Variants in TMEM43 observed in about 807,000 individuals in gnomAD.
The protein encoded by TMEM43 is arrhythmogenic right ventricular dysplasia 5.
In TMEM43, 45 loss-of-function variants were observed where a neutral mutation model predicts 49.6. The observed-to-expected ratio is 0.91, with a 90% CI of 0.71 to 1.16. TMEM43 has a LOEUF of 1.16. TMEM43 is among the 50% of genes most tolerant of loss of function. The pLI is 0.00. For synonymous variants in TMEM43, 199 were observed against 207.8 expected (o/e 0.96, Z 0.36); for missense variants, 532 against 516.6 (o/e 1.03, Z -0.29).
intron 10 of TMEM43, among the ~76,000 whole-genome samples, chr3:14,138,499 T>G (rs1249859528): frequency 6.6e-6 from 1 of 151,888 alleles, no homozygotes; most frequent in Non-Finnish European, 1.5e-5. Context: ...GGTGGGTGGG[T>G]GTGCCATGTG....
At chr3:14,141,386 C>T (rs935285900) in intron 11 of TMEM43, among the ~76,000 whole-genome samples, 1 of 152,212 alleles carries the variant, frequency 6.6e-6, no homozygotes. Context: ...GTGGCTTAGG[C>T]AATGTGCCCA....
At chr3:14,138,001 GAATT>G (rs1695191992) in intron 10 of TMEM43, 1 of 152,172 alleles carries the variant, frequency 6.6e-6, no homozygotes, top group South Asian at 2.1e-4. Flanking sequence ...GTGAATTTGA[GAATT>G]AAATAATACT....
At position 14,133,334 on chromosome 3, in the gene TMEM43, C is replaced by T. The variant is rs927642013; in HGVS notation, c.512+399C>T. 2.6e-5 allele frequency among the ~76,000 whole-genome samples: 4 copies of T among 152,132 alleles called. No homozygotes were observed. The South Asian group carries it at 6.2e-4, about 24-fold the overall frequency. On this transcript the variant is annotated intron_variant, in intron 6 of 11. Transcript: ENST00000306077. ...GCTCCACGGCATGCCAGTGGTGAGGCGGGCATAACACTTGGGTGTGGCTAG... is the reference window on the plus strand; with the variant it reads ...GCTCCACGGCATGCCAGTGGTGAGGTGGGCATAACACTTGGGTGTGGCTAG...
chr3:14,134,014 C>G (rs1695135237), intron 7 of TMEM43, among the ~76,000 whole-genome samples: 1 of 152,194 alleles, frequency 6.6e-6, no homozygotes, highest in Non-Finnish European at 1.5e-5. Flanking sequence ...TCCATCCTAC[C>G]AGGTTCCTCT....
In TMEM43 at chr3:14,132,907, G is replaced by T. The variant is rs150425166; in HGVS notation, c.484G>T (p.Asp162Tyr). 2 of 1,613,742 alleles carry T rather than the reference G, an allele frequency of 1.2e-6. No individual in the cohort carries two copies. The highest frequency in any genetic ancestry group is 1.7e-5 in the Admixed American group (1 of 59,996). The change falls in exon 6 of 12, where the codon GAC (aspartate) becomes TAC (tyrosine). Residue 162 changes from aspartate (D) to tyrosine (Y), a missense_variant. By Grantham distance (160) the Asp-to-Tyr change is radical. Transcript: ENST00000306077. ...RSEIINSKNFDREIGHKNPSA... is the reference protein window; with the variant it reads ...RSEIINSKNFYREIGHKNPSA... ...AGAAATCATCAACAGCAAAAACTTC[G>T]ACCGAGAGATTGGCCACAAAAACCC...
Position 14,135,529 on chromosome 3 carries a change from A to G in TMEM43, c.781-278A>G, listed in dbSNP as rs78942892. Among the ~76,000 whole-genome samples the G allele has an allele frequency of 0.023, 3,544 of 152,250 alleles. 131 individuals are homozygous for G. The highest frequency in any genetic ancestry group is 0.08 in the African/African-American group (3,330 of 41,532). On this transcript the variant is annotated intron_variant, in intron 9 of 11. Transcript: ENST00000306077. ...TCCCCAAGCCCGTTTTGATCTGTCA[A>G]TAATTGGTCTTGCGTTCCTGGCCTA...
At chr3:14,132,734 C>G in intron 5 of TMEM43, 132 bp from the exon 6 acceptor site, 1 of 1,370,556 alleles carries the variant, frequency 7.3e-7, no homozygotes, top group Non-Finnish European at 1.0e-6. Context: ...CTTCAGAGCC[C>G]TGCTTTCCCA....
At position 14,139,177 on chromosome 3, in the gene TMEM43, CAGG is replaced by C. The variant is rs1695215955; in HGVS notation, c.884_886del (p.Glu295del). Reference sequence around the variant, plus strand: ...CCTGACCTGCCCCCACCTTGTCCTGCAGGAGGTGTTTCATAGAGAACTAAGGAG... The same window carrying C: ...CCTGACCTGCCCCCACCTTGTCCTGCAGGTGTTTCATAGAGAACTAAGGAG... On this transcript the variant is annotated splice_acceptor_variant and coding_sequence_variant, in exon 11 of 12. Coordinates refer to ENST00000306077, the MANE Select transcript of TMEM43 (RefSeq NM_024334.3). LOFTEE classifies it high-confidence loss of function. The C allele has an allele frequency of 6.2e-7, 1 of 1,610,512 alleles. No individual in the cohort carries two copies. Among genetic ancestry groups the C allele is most frequent in the Non-Finnish European group, 8.5e-7 (1 of 1,176,694 alleles).
At chr3:14,141,003 G>A (rs1695239110) in intron 11 of TMEM43, among the ~76,000 whole-genome samples, 1 of 152,222 alleles carries the variant, frequency 6.6e-6, no homozygotes, top group Admixed American at 6.5e-5. Flanking sequence ...CAAGAATAGG[G>A]TAATTCCTCA....
rs778787621 is a variant in TMEM43 at position 14,133,839 on chromosome 3, G to A, written c.583+30G>A. 5.0e-5 allele frequency: 80 copies of A among 1,606,594 alleles called. 1 individual carries two copies. The highest frequency in any genetic ancestry group is 6.3e-5 in the Non-Finnish European group (74 of 1,173,298). On this transcript the variant is annotated intron_variant, in intron 7 of 11. Transcript: ENST00000306077. ...GTCTCAGGCCTCTCCAGAGGAGCTCGTGCCAGAAGCACAAGGCCCCCCTAG... is the reference window on the plus strand; with the variant it reads ...GTCTCAGGCCTCTCCAGAGGAGCTCATGCCAGAAGCACAAGGCCCCCCTAG...
At chr3:14,133,887 C>A in intron 7 of TMEM43, 78 bp downstream of exon 7, 1 of 1,294,290 alleles carries the variant, frequency 7.7e-7, no homozygotes, top group Non-Finnish European at 1.1e-6. Flanking sequence ...CAGTACTCAG[C>A]CTTCAGAGGG....
At chr3:14,129,910 A>G (rs1375988237) in intron 2 of TMEM43, among the ~76,000 whole-genome samples, 1 of 152,122 alleles carries the variant, frequency 6.6e-6, no homozygotes, top group Non-Finnish European at 1.5e-5. Flanking sequence ...TTCATCTGTG[A>G]TGGCAAATGT....
At chr3:14,139,018 CAGA>C (rs780229166) in intron 10 of TMEM43, among the ~76,000 whole-genome samples, 159 bp from the exon 11 acceptor site, 23 of 152,148 alleles carry the variant, frequency 1.5e-4, no homozygotes, top group Non-Finnish European at 3.2e-4. Flanking sequence ...GCCAGATGGG[CAGA>C]AGGACTTAGC....
chr3:14,135,106 C>T (rs1462312395), intron 8 of TMEM43, 52 bp from the exon 9 acceptor site: 10 of 1,566,218 alleles, frequency 6.4e-6, no homozygotes, highest in Admixed American at 5.0e-5. Flanking sequence ...TGGACCTGGG[C>T]CTGGGCCAGC....
At chr3:14,132,505 C>T (rs369973984) in intron 4 of TMEM43, 41 bp from the exon 5 acceptor site, 22 of 1,611,886 alleles carry the variant, frequency 1.4e-5, no homozygotes, top group Middle Eastern at 1.6e-4. Context: ...CTGCCTGGGG[C>T]GACGAGGCTA....
rs1314452776 is a variant in TMEM43, at chr3:14,125,088, T to A, written c.-106T>A. The A allele has an allele frequency of 1.3e-6, 2 of 1,485,636 alleles. No homozygotes were observed. Among genetic ancestry groups the A allele is most frequent in the Non-Finnish European group, 1.8e-6 (2 of 1,084,994 alleles). 92.0% of individuals were successfully genotyped at this position (1,485,636 alleles called of 1,614,324 possible). On this transcript the variant is annotated 5_prime_UTR_variant, in exon 1 of 12. Transcript: ENST00000306077. ...CGCTTGGCCCTGGAGTCCACGCGGATTTTCGAAGCTGGGGCTGGCAAGAGG... is the reference window on the plus strand; with the variant it reads ...CGCTTGGCCCTGGAGTCCACGCGGAATTTCGAAGCTGGGGCTGGCAAGAGG...
intron 10 of TMEM43, among the ~76,000 whole-genome samples, chr3:14,138,193 G>T (rs1695196329): frequency 6.6e-6 from 1 of 152,148 alleles, no homozygotes; most frequent in South Asian, 2.1e-4. Flanking sequence ...AGGCATGACT[G>T]CAGGCAATCG....
At chr3:14,134,225 A>G (rs970054045) in intron 7 of TMEM43, among the ~76,000 whole-genome samples, 1 of 152,206 alleles carries the variant, frequency 6.6e-6, no homozygotes, top group Non-Finnish European at 1.5e-5. Context: ...CTAGCTTATC[A>G]CAGGCATCCC....
At chr3:14,126,813 G>A (rs1695027365) in intron 1 of TMEM43, among the ~76,000 whole-genome samples, 1 of 152,196 alleles carries the variant, frequency 6.6e-6, no homozygotes, top group Non-Finnish European at 1.5e-5. Context: ...CAGCCACTAG[G>A]CTGGGTGAGG....
Sources: allele counts gnomAD v4.1 joint callset (sites outside exome capture counted in the v4.1 genomes callset), GRCh38; gene constraint gnomAD v4.1.1; transcripts MANE v1.5; gene names NCBI Gene and HGNC (gene_info 2026-07-23, HGNC 2026-07-21).